The following PLEKHM2 variants were observed in gnomAD, a reference collection of about 807,000 sequenced individuals.
PLEKHM2 encodes pleckstrin homology and RUN domain containing M2.
A neutral mutation model predicts 116.3 loss-of-function variants in PLEKHM2; 77 were observed. That is an observed-to-expected ratio of 0.66 (90% CI 0.55 to 0.80). PLEKHM2 has a LOEUF of 0.80. PLEKHM2 is among the 30% of genes least tolerant of loss of function. The pLI is 0.00. For synonymous variants in PLEKHM2, 562 were observed against 571.0 expected (o/e 0.98, Z 0.22); for missense variants, 1,183 against 1,354.9 (o/e 0.87, Z 1.99).
intron 1 of PLEKHM2, among the ~76,000 whole-genome samples, chr1:15,711,086 G>A (rs989513716): frequency 7.2e-5 from 11 of 152,134 alleles, no homozygotes; most frequent in African/African-American, 2.7e-4. Flanking sequence ...ACCTGGCCGG[G>A]CATGACGGCT....
intron 17 of PLEKHM2, 33 bp downstream of exon 17, chr1:15,732,081 C>A: frequency 6.3e-7 from 1 of 1,593,226 alleles, no homozygotes; most frequent in South Asian, 1.1e-5. Context: ...GCTCACCTGG[C>A]TTGCCTGACC....
In PLEKHM2 at chr1:15,732,341, C is replaced by A; in HGVS notation, c.2626-9C>A. On this transcript the variant is annotated splice_polypyrimidine_tract_variant and intron_variant, in intron 17 of 19. Transcript: ENST00000375799. ...GCCCCAGCCTGCCTCTCCCCTGCCC[C>A]GCTGCCAGGTCATCCCCCAGGGCGT... 6.5e-7 allele frequency: 1 copy of A among 1,548,660 alleles called. No individual in the cohort carries two copies.
At chr1:15,695,441 A>G (rs535251899) in intron 1 of PLEKHM2, among the ~76,000 whole-genome samples, 2 of 152,352 alleles carry the variant, frequency 1.3e-5, no homozygotes, top group East Asian at 1.9e-4. Context: ...CACCTGTTAC[A>G]TGCCAGGCCC....
Position 15,719,010 on chromosome 1 carries a change from C to T in PLEKHM2, c.465+385C>T, listed in dbSNP as rs888288189. On this transcript the variant is annotated intron_variant, in intron 5 of 19. Transcript: ENST00000375799. The surrounding 1 kb of genome is among the most constrained non-coding windows in gnomAD (Gnocchi z 4.1). ...AAGTGTCATCAGCTCCATGAAGAGC[C>T]TTCAGCCACCCTCTTCAAGTTCTCA... is the stretch of plus-strand genomic sequence containing the variant. Among the ~76,000 whole-genome samples the T allele has an allele frequency of 4.6e-5, 7 of 152,140 alleles. No individual in the cohort carries two copies. Among genetic ancestry groups the T allele is most frequent in the Non-Finnish European group, 1.0e-4 (7 of 68,014 alleles).
chr1:15,716,234 C>G lies in PLEKHM2; in HGVS notation c.61-3C>G. 1 of 1,521,860 alleles carries G rather than the reference C, an allele frequency of 6.6e-7. No homozygotes were observed. Among genetic ancestry groups the G allele is most frequent in the Non-Finnish European group, 8.9e-7 (1 of 1,118,296 alleles). 94.3% of individuals were successfully genotyped at this position (1,521,860 alleles called of 1,614,324 possible). A position where few individuals can be genotyped will look rare whatever the true frequency, so the allele number is the denominator to read the frequency against. On this transcript the variant is annotated splice_region_variant and splice_polypyrimidine_tract_variant and intron_variant, in intron 1 of 19. Coordinates refer to ENST00000375799, the MANE Select transcript of PLEKHM2 (RefSeq NM_015164.4). ...GATTTGGAGGTGTTTTTTTTTCTTT[C>G]AGTTGCAGAGCTATTTTGCTGCATG...
chr1:15,711,968 A>AT (rs1327836057), intron 1 of PLEKHM2, among the ~76,000 whole-genome samples: 3 of 151,768 alleles, frequency 2.0e-5, no homozygotes, highest in African/African-American at 7.3e-5. Context: ...AAAGTACAAA[A>AT]TTAGCCGGGC....
intron 8 of PLEKHM2, 115 bp downstream of exon 8, chr1:15,725,660 C>T (rs956856636): frequency 5.5e-6 from 4 of 725,040 alleles, no homozygotes; most frequent in South Asian, 3.6e-5. Flanking sequence ...CAGTTGCATG[C>T]CTTCCTGGAA....
At chr1:15,703,056 GA>G (rs2148343309) in intron 1 of PLEKHM2, among the ~76,000 whole-genome samples, 1 of 152,264 alleles carries the variant, frequency 6.6e-6, no homozygotes, top group African/African-American at 2.4e-5. Context: ...TCTGTTTTTG[GA>G]TTTCCACCTC....
At chr1:15,718,991 C>T (rs1025227608) in intron 5 of PLEKHM2, among the ~76,000 whole-genome samples, 4 of 152,174 alleles carry the variant, frequency 2.6e-5, no homozygotes, top group African/African-American at 9.6e-5. Context: ...TGAAAAGTGT[C>T]ATCAGCTCCA....
At chr1:15,705,957 C>T (rs1212911367) in intron 1 of PLEKHM2, among the ~76,000 whole-genome samples, 2 of 152,062 alleles carry the variant, frequency 1.3e-5, no homozygotes, top group Non-Finnish European at 2.9e-5. Flanking sequence ...GCTGTGGTGT[C>T]GCACACCTGC....
In PLEKHM2 at chr1:15,725,872, G is replaced by A. The variant is rs540436003; in HGVS notation, c.941+327G>A. The A allele has an allele frequency of 5.7e-4, 206 of 358,766 alleles. 1 individual carries two copies. Among genetic ancestry groups the A allele is most frequent in the Middle Eastern group, 4.2e-3 (5 of 1,190 alleles). The allele number at this position is 358,766 out of a possible 1,614,324, so 22.2% of individuals were successfully genotyped here. Reference sequence around the variant, plus strand: ...GGGATTCACAGATGTCCCTCTTCTCGCTGTGTTGTGGCGGGGAGTGGAGAG... The same window carrying A: ...GGGATTCACAGATGTCCCTCTTCTCACTGTGTTGTGGCGGGGAGTGGAGAG... On this transcript the variant is annotated intron_variant, in intron 8 of 19. Transcript: ENST00000375799.
intron 8 of PLEKHM2, chr1:15,725,785 T>C (rs146576493): frequency 5.6e-4 from 310 of 558,296 alleles, no homozygotes; most frequent in African/African-American, 4.3e-3. Context: ...CAGACATTCT[T>C]TCTCACAGCT....
chr1:15,728,368 C>A lies in PLEKHM2; in HGVS notation c.1921+11C>A, dbSNP rs1036186027. On this transcript the variant is annotated intron_variant, in intron 11 of 19. Coordinates refer to ENST00000375799, the MANE Select transcript of PLEKHM2 (RefSeq NM_015164.4). The surrounding 1 kb of genome is among the most constrained non-coding windows in gnomAD (Gnocchi z 5.9). Reference sequence around the variant, plus strand: ...ACCTGCTCCGGAAAGGTGCCCGCCGCCCCCGGGCAGACAGCGGGTTGTAGA... The same window carrying A: ...ACCTGCTCCGGAAAGGTGCCCGCCGACCCCGGGCAGACAGCGGGTTGTAGA... The A allele has an allele frequency of 3.1e-6, 5 of 1,606,490 alleles. No homozygotes were observed. The African/African-American group carries it at 6.7e-5, about 21-fold the overall frequency.
chr1:15,721,659 A>G lies in PLEKHM2; in HGVS notation c.712+271A>G, dbSNP rs1198497315. Reference sequence around the variant, plus strand: ...GCTGCATTTCGGGGGATACAGGGTCACCCTTCCTGATTCCAGTGCCAGCTG... The same window carrying G: ...GCTGCATTTCGGGGGATACAGGGTCGCCCTTCCTGATTCCAGTGCCAGCTG... On this transcript the variant is annotated intron_variant, in intron 7 of 19. Transcript: ENST00000375799. The surrounding 1 kb of genome is among the most constrained non-coding windows in gnomAD (Gnocchi z 5.1). 6.6e-6 allele frequency among the ~76,000 whole-genome samples: 1 copy of G among 151,316 alleles called. No individual in the cohort carries two copies. Among genetic ancestry groups the G allele is most frequent in the East Asian group, 1.9e-4 (1 of 5,164 alleles).
At chr1:15,733,719 A>G in intron 19 of PLEKHM2, 78 bp from the exon 20 acceptor site, 1 of 1,496,446 alleles carries the variant, frequency 6.7e-7, no homozygotes, top group Non-Finnish European at 9.1e-7. Flanking sequence ...AGGCAGAGGC[A>G]GGCCTGGTGC....
At chr1:15,713,367 G>T (rs893857158) in intron 1 of PLEKHM2, among the ~76,000 whole-genome samples, 5 of 152,062 alleles carry the variant, frequency 3.3e-5, no homozygotes, top group Non-Finnish European at 7.3e-5. Context: ...ATAGTAAATG[G>T]GAGCAAGGGG....
chr1:15,715,545 G>T (rs562205950), intron 1 of PLEKHM2, among the ~76,000 whole-genome samples: 8 of 152,152 alleles, frequency 5.3e-5, no homozygotes, highest in Non-Finnish European at 1.0e-4. Flanking sequence ...GGAGGCTGAG[G>T]CAGGAGAATC....
rs2068091064 is a variant in PLEKHM2 at position 15,728,168 on chromosome 1, G to A, written c.1830+20G>A. On this transcript the variant is annotated intron_variant, in intron 10 of 19. Transcript: ENST00000375799. This position sits in a 1 kb window ranked among gnomAD's most constrained non-coding sequence, Gnocchi z 5.9. The stretch of plus-strand genomic sequence containing the variant: ...TTCAAAGTAAGTCCTAGGAACTCAG[G>A]AGTGAGCAAGAGACGGCAAGGGCAA... 1.9e-6 allele frequency: 3 copies of A among 1,608,744 alleles called. No individual in the cohort carries two copies. Among genetic ancestry groups the A allele is most frequent in the Non-Finnish European group, 2.5e-6 (3 of 1,176,574 alleles).
At chr1:15,701,247 T>C (rs1269050581) in intron 1 of PLEKHM2, among the ~76,000 whole-genome samples, 2 of 146,134 alleles carry the variant, frequency 1.4e-5, no homozygotes, top group Non-Finnish European at 3.0e-5. Context: ...GCCTGACCAA[T>C]ATGGTGAAAC....
Sources: gnomAD v4.1 joint callset for allele counts (sites outside exome capture counted in the v4.1 genomes callset) on GRCh38, gnomAD v4.1.1 for gene constraint, Gnocchi (gnomAD v3.1) non-coding constraint, MANE v1.5 for transcripts, NCBI Gene and HGNC (gene_info 2026-07-23, HGNC 2026-07-21) for gene names.